Variants in HEATR5B observed in about 807,000 individuals in gnomAD.
HEATR5B encodes the protein HEAT repeat containing 5B, also known as HEAT repeat-containing protein 5B.
HEATR5B carries 156 observed loss-of-function variants against 224.1 expected under a neutral mutation model. The ratio of observed to expected loss-of-function variants is 0.70; its 90% CI spans 0.61 to 0.80. The LOEUF (loss-of-function observed/expected upper bound fraction) is 0.80, where lower values mean the gene tolerates loss of function less well. HEATR5B is among the 30% of genes least tolerant of loss of function. The probability of loss-of-function intolerance (pLI) is 0.00; values close to 1 mark genes in which losing one functional copy is unlikely to be tolerated. For missense variants in HEATR5B, 2,323 were observed against 2,535.5 expected (o/e 0.92, Z 1.80); for synonymous variants, 1,027 against 893.0 (o/e 1.15, Z -2.68).
Position 37,058,985 on chromosome 2 carries a change from T to C in HEATR5B, c.1852A>G (p.Met618Val). Reference sequence around the variant, plus strand: ...GGACAATGTGCAACGAAGCTCCTCATGGCTAGATAAAATGTTTAAAAGGAC... The same window carrying C: ...GGACAATGTGCAACGAAGCTCCTCACGGCTAGATAAAATGTTTAAAAGGAC... ...LEGRAGALCA[M>V]RSFVAHCPEL... Residue 618 changes from methionine to valine, a missense_variant and splice_region_variant, in exon 13 of 36, where the codon ATG (methionine) becomes GTG (valine). Met to Val is a conservative substitution (Grantham distance 21, BLOSUM62 1). Transcript: ENST00000233099. 1 of 1,599,678 alleles carries C rather than the reference T, an allele frequency of 6.3e-7. No individual in the cohort carries two copies. Among genetic ancestry groups the C allele is most frequent in the Non-Finnish European group, 8.5e-7 (1 of 1,170,758 alleles).
chr2:37,008,883 C>T, intron 27 of HEATR5B, 35 bp from the exon 28 acceptor site: 2 of 1,217,192 alleles, frequency 1.6e-6, no homozygotes, highest in South Asian at 2.7e-5. Flanking sequence ...AATAGTAAGG[C>T]ATAAGATAAA....
intron 5 of HEATR5B, 37 bp downstream of exon 5, chr2:37,075,448 G>C (rs1672168508): frequency 6.5e-7 from 1 of 1,527,492 alleles, no homozygotes; most frequent in African/African-American, 1.4e-5. Flanking sequence ...GAGCAAGAAG[G>C]ATAAAGAGCA....
chr2:37,028,607 A>T, intron 23 of HEATR5B, 74 bp downstream of exon 23: 1 of 1,178,130 alleles, frequency 8.5e-7, no homozygotes, highest in Non-Finnish European at 1.2e-6. Flanking sequence ...ATGTATCTTT[A>T]TACATATATC....
chr2:36,983,444 C>A (rs1665717153), intron 35 of HEATR5B, among the ~76,000 whole-genome samples: 1 of 151,996 alleles, frequency 6.6e-6, no homozygotes, highest in Non-Finnish European at 1.5e-5. Flanking sequence ...GAGACTGAGG[C>A]AGGAGAATCG....
intron 11 of HEATR5B, among the ~76,000 whole-genome samples, 178 bp from the exon 12 acceptor site, chr2:37,060,911 T>C (rs910163015): frequency 5.3e-5 from 8 of 152,180 alleles, no homozygotes; most frequent in African/African-American, 1.7e-4. Flanking sequence ...AATTACATTA[T>C]TTTCAACCTT....
chr2:37,000,642 T>G lies in HEATR5B; in HGVS notation c.5489A>C (p.Gln1830Pro), dbSNP rs1212197808. The change falls in exon 33 of 36, where the codon CAG becomes CCG. Residue 1830 changes from glutamine (Q) to proline (P), a missense_variant. Transcript: ENST00000233099. ...CGTGCTACGAATCAGAGCTGTCCAC[T>G]GTTTTTGAACGCCAGCCTCAGTTTT... is the stretch of plus-strand genomic sequence containing the variant. ...MAKTEAGVQK[Q>P]WTALIRSTLA... 1.2e-6 allele frequency: 2 copies of G among 1,614,098 alleles called. No individual in the cohort carries two copies. Among genetic ancestry groups the G allele is most frequent in the African/African-American group, 2.7e-5 (2 of 74,926 alleles).
At chr2:37,047,503 TC>T (rs1425687377) in intron 18 of HEATR5B, among the ~76,000 whole-genome samples, 1 of 152,204 alleles carries the variant, frequency 6.6e-6, no homozygotes, top group Non-Finnish European at 1.5e-5. Flanking sequence ...CAGTAAATAA[TC>T]TTAGATATAA....
intron 20 of HEATR5B, among the ~76,000 whole-genome samples, chr2:37,039,242 G>A (rs1669724722): frequency 6.6e-6 from 1 of 151,442 alleles, no homozygotes; most frequent in Admixed American, 6.6e-5. Context: ...CGAGGTGGGT[G>A]GATCATGAGG....
rs139581322 is a variant in HEATR5B, at chr2:37,008,639, G to A, written c.4494C>T (p.Ala1498=). 1.6e-4 allele frequency: 256 copies of A among 1,613,634 alleles called. No individual in the cohort carries two copies. The highest frequency in any genetic ancestry group is 3.3e-4 in the Middle Eastern group (2 of 6,060). The part of the protein sequence containing the change: ...LKDYALLTLP[A]EFSSQLPPDG... ...CTGGAGGAAGCTGACTAGAAAATTC[G>A]GCTGGTAAAGTCAAGAGTGCATAAT... The change falls in exon 28 of 36, where the codon GCC becomes GCT. Residue 1498 remains alanine (A), a synonymous_variant. Coordinates refer to ENST00000233099, the MANE Select transcript of HEATR5B (RefSeq NM_019024.3).
intron 33 of HEATR5B, among the ~76,000 whole-genome samples, chr2:36,995,220 G>A (rs1053776219): frequency 2.7e-4 from 41 of 150,744 alleles, no homozygotes; most frequent in Admixed American, 1.9e-3. Context: ...CTCCTGAGTA[G>A]CTGGGATTAC....
At chr2:37,004,610 G>A (rs529695069) in intron 30 of HEATR5B, among the ~76,000 whole-genome samples, 10 of 151,598 alleles carry the variant, frequency 6.6e-5, no homozygotes, top group East Asian at 1.9e-4. Flanking sequence ...AATCCTCTGC[G>A]GGAGGTCACC....
chr2:37,068,866 AG>A lies in HEATR5B; in HGVS notation c.991del (p.Leu331CysfsTer31). 6.2e-7 allele frequency: 1 copy of A among 1,614,192 alleles called. No homozygotes were observed. The highest frequency in any genetic ancestry group is 8.5e-7 in the Non-Finnish European group (1 of 1,180,024). ...GGAAACCAGATCAAGTACATGGGAC[AG>A]GAACGTGGCAAAGCTGCGCTCCAAC... ...QWLERSFATF[L>X]SHVLDLVSHP... On this transcript the variant is annotated frameshift_variant, in exon 8 of 36. Transcript: ENST00000233099. LOFTEE classifies it high-confidence loss of function.
intron 2 of HEATR5B, among the ~76,000 whole-genome samples, chr2:37,080,544 G>A (rs931756238): frequency 2.0e-5 from 3 of 152,092 alleles, no homozygotes; most frequent in East Asian, 1.9e-4. Flanking sequence ...TGACTCTATG[G>A]TTTTCCCTTG....
At chr2:37,055,694 C>T (rs1321726770) in intron 16 of HEATR5B, among the ~76,000 whole-genome samples, 3 of 152,152 alleles carry the variant, frequency 2.0e-5, no homozygotes, top group Non-Finnish European at 4.4e-5. Flanking sequence ...AAACTCCTTG[C>T]CTCAAGCAAT....
At chr2:37,003,720 T>C in intron 30 of HEATR5B, 34 bp from the exon 31 acceptor site, 1 of 1,454,740 alleles carries the variant, frequency 6.9e-7, no homozygotes, top group Non-Finnish European at 9.3e-7. Context: ...AGTTAAGTAA[T>C]TTCAATCTCA....
intron 29 of HEATR5B, 25 bp from the exon 30 acceptor site, chr2:37,005,784 GT>G (rs139942041): frequency 0.15 from 234,150 of 1,530,722 alleles, 19,485 homozygotes; most frequent in South Asian, 0.17. Context: ...ATAAAAACAT[GT>G]TTTTTCACTT....
rs112371326 is a variant in HEATR5B, at chr2:37,021,365, G to C, written c.3854-529C>G. Among the ~76,000 whole-genome samples the C allele has an allele frequency of 4.2e-3, 632 of 152,180 alleles. 4 individuals are homozygous for C. The highest frequency in any genetic ancestry group is 0.012 in the South Asian group (56 of 4,824). Reference sequence around the variant, plus strand: ...AGAAGGCCAAAAATCTTCCTAAATGGCCTCCTCTCACAAATTGCTCACAAG... The same window carrying C: ...AGAAGGCCAAAAATCTTCCTAAATGCCCTCCTCTCACAAATTGCTCACAAG... On this transcript the variant is annotated intron_variant, in intron 24 of 35. Transcript: ENST00000233099.
intron 35 of HEATR5B, among the ~76,000 whole-genome samples, chr2:36,987,178 G>A (rs111911796): frequency 6.6e-6 from 1 of 151,962 alleles, no homozygotes; most frequent in Non-Finnish European, 1.5e-5. Flanking sequence ...CTTGTAATCC[G>A]AGCACTTTGG....
chr2:37,039,610 T>G (rs77008801), intron 20 of HEATR5B, among the ~76,000 whole-genome samples: 15,838 of 152,292 alleles, frequency 0.1, 1,044 homozygotes, highest in Non-Finnish European at 0.14. Context: ...CTCTGGGTTG[T>G]TATCCGAATT....
Sources: gnomAD v4.1 joint callset for allele counts (sites outside exome capture counted in the v4.1 genomes callset) on GRCh38, gnomAD v4.1.1 for gene constraint, MANE v1.5 for transcripts, NCBI Gene and HGNC (gene_info 2026-07-23, HGNC 2026-07-21) for gene names.